Variants in FRMD4A observed in about 807,000 individuals in gnomAD.
The protein encoded by FRMD4A is FERM domain-containing protein 4A.
In FRMD4A, 29 loss-of-function variants were observed where a neutral mutation model predicts 129.1. The observed-to-expected ratio is 0.22, with a 90% CI of 0.17 to 0.31. The LOEUF is 0.31. FRMD4A is among the 10% of genes least tolerant of loss of function. The pLI is 1.00. For synonymous variants in FRMD4A, 634 were observed against 571.6 expected (o/e 1.11, Z -1.56); for missense variants, 1,272 against 1,375.8 (o/e 0.92, Z 1.19).
intron 2 of FRMD4A, among the ~76,000 whole-genome samples, chr10:13,966,230 C>T (rs531060248): frequency 7.2e-5 from 11 of 152,202 alleles, no homozygotes; most frequent in African/African-American, 2.4e-4. Context: ...ACCATGTTGG[C>T]CAAGCTGGTC....
intron 2 of FRMD4A, among the ~76,000 whole-genome samples, chr10:14,269,675 A>T (rs971894298): frequency 6.6e-6 from 1 of 152,138 alleles, no homozygotes; most frequent in Non-Finnish European, 1.5e-5. Context: ...CATAATTAGG[A>T]TACTCTCCAC....
At chr10:14,273,834 G>C (rs1489657232) in intron 2 of FRMD4A, among the ~76,000 whole-genome samples, 3 of 152,184 alleles carry the variant, frequency 2.0e-5, no homozygotes, top group Non-Finnish European at 4.4e-5. Context: ...TCATAGAAAA[G>C]TTGAGATTTA....
rs1368255816 is a variant in FRMD4A, at chr10:13,884,176, TCACACA to T, written c.46-25270_46-25265del. 7.2e-3 allele frequency among the ~76,000 whole-genome samples: 225 copies of T among 31,120 alleles called. 3 individuals are homozygous for T. The highest frequency in any genetic ancestry group is 0.018 in the African/African-American group (203 of 11,066). The allele number at this position is 31,120 out of a possible 152,430, so 20.4% of individuals were successfully genotyped here. A position where few individuals can be genotyped will look rare whatever the true frequency, so the allele number is the denominator to read the frequency against. Reference sequence around the variant, plus strand: ...CACTCTCACACACACACTCACACACTCACACACACACACACACACTCACACACACAC... The same window carrying T: ...CACTCTCACACACACACTCACACACTCACACACACACACTCACACACACAC... On this transcript the variant is annotated intron_variant, in intron 2 of 24. Coordinates refer to ENST00000357447, the MANE Select transcript of FRMD4A (RefSeq NM_018027.5).
chr10:14,101,369 C>T (rs1042178136), intron 2 of FRMD4A, among the ~76,000 whole-genome samples: 2 of 152,170 alleles, frequency 1.3e-5, no homozygotes, highest in Non-Finnish European at 2.9e-5. Context: ...AAAATAATTA[C>T]TTGCTGCGGG....
At chr10:13,909,731 C>T (rs2094922208) in intron 2 of FRMD4A, among the ~76,000 whole-genome samples, 1 of 152,128 alleles carries the variant, frequency 6.6e-6, no homozygotes, top group Non-Finnish European at 1.5e-5. Context: ...TGAAGAAAAA[C>T]CATTTTATTT....
chr10:14,205,239 T>C (rs1378003236), intron 2 of FRMD4A, among the ~76,000 whole-genome samples: 1 of 152,106 alleles, frequency 6.6e-6, no homozygotes, highest in East Asian at 1.9e-4. Context: ...CTTAACTACT[T>C]AGGGTACTAG....
chr10:13,788,755 G>C (rs1588721806), intron 5 of FRMD4A, among the ~76,000 whole-genome samples: 1 of 152,220 alleles, frequency 6.6e-6, no homozygotes, highest in Admixed American at 6.5e-5. Flanking sequence ...GAAGGAGAAC[G>C]AAATAGGTGC....
intron 6 of FRMD4A, among the ~76,000 whole-genome samples, chr10:13,773,709 A>G (rs969116794): frequency 2.6e-5 from 4 of 152,090 alleles, no homozygotes; most frequent in African/African-American, 9.7e-5. Flanking sequence ...ATGGTGGATC[A>G]TCTTCTTCTG....
intron 2 of FRMD4A, among the ~76,000 whole-genome samples, chr10:13,962,102 G>A (rs138082441): frequency 2.6e-4 from 39 of 152,302 alleles, no homozygotes; most frequent in African/African-American, 6.5e-4. Context: ...ATGGAGAAGC[G>A]GAGGAATTTA....
chr10:13,863,440 AT>A (rs2094320976), intron 2 of FRMD4A, among the ~76,000 whole-genome samples: 2 of 142,038 alleles, frequency 1.4e-5, no homozygotes, highest in South Asian at 4.7e-4. Flanking sequence ...AAAAAAAAAA[AT>A]TAGCCGGGCA....
At chr10:13,807,806 T>TC (rs1416277084) in intron 4 of FRMD4A, among the ~76,000 whole-genome samples, 1 of 151,782 alleles carries the variant, frequency 6.6e-6, no homozygotes, top group Non-Finnish European at 1.5e-5. Context: ...AATTCTTTTT[T>TC]TTTTTTTTTG....
chr10:14,217,538 C>A (rs1843112729), intron 2 of FRMD4A, among the ~76,000 whole-genome samples: 1 of 152,234 alleles, frequency 6.6e-6, no homozygotes, highest in African/African-American at 2.4e-5. Flanking sequence ...CGATGTGGAA[C>A]TGTGAGTCCA....
At chr10:13,750,844 A>C (rs1215876222) in intron 8 of FRMD4A, among the ~76,000 whole-genome samples, 2 of 152,172 alleles carry the variant, frequency 1.3e-5, no homozygotes, top group Non-Finnish European at 2.9e-5. Context: ...TTCCAATCCC[A>C]AGTACAGTCG....
chr10:14,195,026 A>G (rs1842432888), intron 2 of FRMD4A, among the ~76,000 whole-genome samples: 1 of 152,108 alleles, frequency 6.6e-6, no homozygotes, highest in Non-Finnish European at 1.5e-5. Context: ...CTGTTTCCTT[A>G]CATTTTTCTT....
intron 12 of FRMD4A, among the ~76,000 whole-genome samples, chr10:13,718,813 C>T (rs1457242161): frequency 6.6e-6 from 1 of 152,212 alleles, no homozygotes; most frequent in East Asian, 1.9e-4. Flanking sequence ...CCCAGATATT[C>T]ATACACATAC....
chr10:14,073,407 C>T (rs557564590), intron 2 of FRMD4A, among the ~76,000 whole-genome samples: 4 of 152,192 alleles, frequency 2.6e-5, no homozygotes, highest in African/African-American at 7.2e-5. Flanking sequence ...CAAGAAATGT[C>T]CCATTCCTTG....
Position 14,200,171 on chromosome 10 carries a change from G to A in FRMD4A, c.45+129887C>T, listed in dbSNP as rs767173743. On this transcript the variant is annotated intron_variant, in intron 2 of 24. Coordinates refer to ENST00000357447, the MANE Select transcript of FRMD4A (RefSeq NM_018027.5). ...GCTTCCCGCAGTGTTGGGATTACACGCATGAGCCACTGTGCCAGGCCTTAT... is the reference window on the plus strand; with the variant it reads ...GCTTCCCGCAGTGTTGGGATTACACACATGAGCCACTGTGCCAGGCCTTAT... Among the ~76,000 whole-genome samples, 23 of 150,370 alleles carry A rather than the reference G, an allele frequency of 1.5e-4. 3 individuals are homozygous for A. Among genetic ancestry groups the A allele is most frequent in the Non-Finnish European group, 2.8e-4 (19 of 67,286 alleles).
At chr10:14,079,702 C>T (rs773000342) in intron 2 of FRMD4A, among the ~76,000 whole-genome samples, 4 of 152,300 alleles carry the variant, frequency 2.6e-5, no homozygotes, top group Middle Eastern at 3.4e-3. Context: ...GTGACAACAG[C>T]GCTGAGCAGT....
intron 21 of FRMD4A, among the ~76,000 whole-genome samples, chr10:13,658,155 AAAG>A (rs1355644552): frequency 1.0e-4 from 15 of 150,622 alleles, no homozygotes; most frequent in Admixed American, 6.6e-4. Context: ...AAAAAAAAAA[AAAG>A]AAAACACAAA....
Sources: gnomAD v4.1 joint callset for allele counts (sites outside exome capture counted in the v4.1 genomes callset) on GRCh38, gnomAD v4.1.1 for gene constraint, MANE v1.5 for transcripts, NCBI Gene and HGNC (gene_info 2026-07-23, HGNC 2026-07-21) for gene names.